SUSD6: variants seen among roughly 807,000 people sequenced by gnomAD.
The protein encoded by SUSD6 is sushi domain-containing protein 6.
In SUSD6, 16 loss-of-function variants were observed where a neutral mutation model predicts 28.4. The ratio of observed to expected loss-of-function variants is 0.56; its 90% CI spans 0.38 to 0.86. The LOEUF is 0.86. Among genes scored for constraint, SUSD6 ranks in the 40% least tolerant of loss-of-function variants. The probability of loss-of-function intolerance (pLI) is 0.00; values close to 1 mark genes in which losing one functional copy is unlikely to be tolerated. For missense variants in SUSD6, 341 were observed against 384.2 expected, an observed-to-expected ratio of 0.89 and a Z score of 0.94; for synonymous variants, 147 against 159.6, an observed-to-expected ratio of 0.92 and a Z score of 0.59.
chr14:69,653,746 A>AATT (rs1885537738), intron 1 of SUSD6, among the ~76,000 whole-genome samples: 1 of 28,936 alleles, frequency 3.5e-5, no homozygotes, highest in Non-Finnish European at 8.2e-5. Flanking sequence ...ACCTAGTGAA[A>AATT]CTTTTTTTTT....
In SUSD6 at chr14:69,711,260, C is replaced by T. The variant is rs556110764; in HGVS notation, c.*281C>T. ...TTGAATGTGCTGGATCAAACCCTCC[C>T]TTTTCCTAAGCCTCTGGGTCCCCTC... On this transcript the variant is annotated 3_prime_UTR_variant, in exon 6 of 6. Coordinates refer to ENST00000342745, the MANE Select transcript of SUSD6 (RefSeq NM_014734.4). 42 of 499,014 alleles carry T rather than the reference C, an allele frequency of 8.4e-5. No homozygotes were observed. Among genetic ancestry groups the T allele is most frequent in the African/African-American group, 7.7e-4 (40 of 51,662 alleles). 30.9% of individuals were successfully genotyped at this position (499,014 alleles called of 1,614,324 possible).
chr14:69,658,421 T>C, intron 1 of SUSD6, 92 bp from the exon 2 acceptor site: 1 of 636,440 alleles, frequency 1.6e-6, no homozygotes, highest in Non-Finnish European at 2.7e-6. Flanking sequence ...CTCTCAACTT[T>C]GTGTGTGATT....
rs76783599 is a variant in SUSD6, at chr14:69,703,257, T to G, written c.122-138T>G. 2,890 of 709,972 alleles carry G rather than the reference T, an allele frequency of 4.1e-3. 64 individuals are homozygous for G. In the African/African-American group the frequency reaches 0.046, roughly 11 times the overall value. 44.0% of individuals were successfully genotyped at this position (709,972 alleles called of 1,614,324 possible). ...AGTGGCAACCTGAGTTTCCAGGGTT[T>G]GGTTAACAGTTCCTCCAAGGAAAGG... is the stretch of plus-strand genomic sequence containing the variant. On this transcript the variant is annotated intron_variant, in intron 2 of 5. Transcript: ENST00000342745.
chr14:69,647,027 C>T (rs137905379), intron 1 of SUSD6, among the ~76,000 whole-genome samples: 1 of 152,294 alleles, frequency 6.6e-6, no homozygotes, highest in Non-Finnish European at 1.5e-5. Flanking sequence ...ATTGTTCTCA[C>T]TCACCTCATC....
chr14:69,632,702 C>A (rs1885213383), intron 1 of SUSD6, among the ~76,000 whole-genome samples: 2 of 151,096 alleles, frequency 1.3e-5, no homozygotes, highest in Admixed American at 6.6e-5. Context: ...AAATGTGTAA[C>A]CCCCGTTCCC....
At position 69,671,518 on chromosome 14, in the gene SUSD6, G is replaced by A. The variant is rs760106322; in HGVS notation, c.121+12805G>A. ...AAAGACTCCTTATTTCAGCAAGTCT[G>A]ATGTACCGCGTGGGGTCCCATGTGG... On this transcript the variant is annotated intron_variant, in intron 2 of 5. Transcript: ENST00000342745. Among the ~76,000 whole-genome samples, 3 of 152,182 alleles carry A rather than the reference G, an allele frequency of 2.0e-5. No individual in the cohort carries two copies. The East Asian group carries it at 5.8e-4, about 29-fold the overall frequency.
At chr14:69,668,954 C>T (rs1325503334) in intron 2 of SUSD6, among the ~76,000 whole-genome samples, 4 of 151,068 alleles carry the variant, frequency 2.6e-5, no homozygotes, top group Non-Finnish European at 5.9e-5. Flanking sequence ...CCCAGAAGCA[C>T]ATGCCACTAT....
At chr14:69,696,172 T>G (rs1422475705) in intron 2 of SUSD6, among the ~76,000 whole-genome samples, 1 of 152,218 alleles carries the variant, frequency 6.6e-6, no homozygotes, top group Non-Finnish European at 1.5e-5. Context: ...TGGTCAGGCT[T>G]GCAGCTTAGA....
At chr14:69,680,813 A>G (rs1885987284) in intron 2 of SUSD6, among the ~76,000 whole-genome samples, 1 of 152,086 alleles carries the variant, frequency 6.6e-6, no homozygotes, top group South Asian at 2.1e-4. Context: ...GACCCTACAA[A>G]ACTCAACAAG....
chr14:69,683,367 C>T (rs1355312390), intron 2 of SUSD6, among the ~76,000 whole-genome samples: 2 of 152,020 alleles, frequency 1.3e-5, no homozygotes, highest in African/African-American at 4.8e-5. Context: ...TTTTGAGGAG[C>T]TCATGAGGAG....
At chr14:69,708,133 A>T (rs1189949452) in intron 4 of SUSD6, among the ~76,000 whole-genome samples, 1 of 152,240 alleles carries the variant, frequency 6.6e-6, no homozygotes. Flanking sequence ...TGTGATTTCT[A>T]GTCCAGTATC....
chr14:69,623,944 G>A (rs2036968044), intron 1 of SUSD6, among the ~76,000 whole-genome samples: 1 of 152,102 alleles, frequency 6.6e-6, no homozygotes, highest in African/African-American at 2.4e-5. Flanking sequence ...GTAAGCTAAG[G>A]TTAATTTATA....
At chr14:69,643,552 T>C (rs1388253998) in intron 1 of SUSD6, among the ~76,000 whole-genome samples, 3 of 152,206 alleles carry the variant, frequency 2.0e-5, no homozygotes, top group Admixed American at 6.5e-5. Context: ...CTCCTGATCA[T>C]GGTCCCATTA....
rs142294858 is a variant in SUSD6 at position 69,699,255 on chromosome 14, G to A, written c.122-4140G>A. Among the ~76,000 whole-genome samples, 260 of 152,086 alleles carry A rather than the reference G, an allele frequency of 1.7e-3. 2 individuals are homozygous for A. The East Asian group carries it at 0.019, about 11-fold the overall frequency. The stretch of plus-strand genomic sequence containing the variant: ...GTCTCACTTTGTCGCCCAGGCTGGA[G>A]TGCAGTGGTGCAATCTCAGCTCACT... On this transcript the variant is annotated intron_variant, in intron 2 of 5. Coordinates refer to ENST00000342745, the MANE Select transcript of SUSD6 (RefSeq NM_014734.4).
intron 1 of SUSD6, among the ~76,000 whole-genome samples, chr14:69,622,585 A>G (rs959384368): frequency 5.9e-5 from 9 of 151,898 alleles, no homozygotes; most frequent in Non-Finnish European, 1.0e-4. Context: ...AGATTTCTTC[A>G]TTTTACAAAC....
intron 4 of SUSD6, among the ~76,000 whole-genome samples, chr14:69,706,224 A>G (rs942539285): frequency 2.6e-5 from 4 of 152,216 alleles, no homozygotes; most frequent in African/African-American, 4.8e-5. Flanking sequence ...ATTTCCACCT[A>G]AAGTCAAACT....
At chr14:69,673,650 C>A (rs1046914884) in intron 2 of SUSD6, among the ~76,000 whole-genome samples, 1 of 152,144 alleles carries the variant, frequency 6.6e-6, no homozygotes, top group African/African-American at 2.4e-5. Flanking sequence ...CAGCAAGGAG[C>A]CAGACCTGGT....
intron 2 of SUSD6, among the ~76,000 whole-genome samples, chr14:69,677,372 C>A (rs564286469): frequency 6.6e-6 from 1 of 150,942 alleles, no homozygotes; most frequent in Non-Finnish European, 1.5e-5. Context: ...GGTGAAACCC[C>A]GTCTCTACTA....
intron 2 of SUSD6, among the ~76,000 whole-genome samples, chr14:69,700,765 A>AGAGT (rs1886302375): frequency 2.0e-5 from 3 of 152,236 alleles, no homozygotes; most frequent in Admixed American, 2.0e-4. Context: ...ATTTGTATAT[A>AGAGT]GAGTATCTTT....
Sources: gnomAD v4.1 joint callset for allele counts (sites outside exome capture counted in the v4.1 genomes callset) on GRCh38, gnomAD v4.1.1 for gene constraint, MANE v1.5 for transcripts, NCBI Gene and HGNC (gene_info 2026-07-23, HGNC 2026-07-21) for gene names.